The following PTPRG variants were observed in gnomAD, a reference collection of about 807,000 sequenced individuals.
The protein encoded by PTPRG is receptor-type tyrosine-protein phosphatase gamma.
A neutral mutation model predicts 165.3 loss-of-function variants in PTPRG; 102 were observed. The observed-to-expected ratio is 0.62, with a 90% CI of 0.53 to 0.73. The LOEUF (loss-of-function observed/expected upper bound fraction) is 0.73, where lower values mean the gene tolerates loss of function less well. PTPRG is among the 30% of genes least tolerant of loss of function. PTPRG has a pLI of 0.00. For synonymous variants in PTPRG, 675 were observed against 669.5 expected (o/e 1.01, Z -0.13); for missense variants, 1,866 against 1,861.4 (o/e 1.00, Z -0.05).
intron 7 of PTPRG, among the ~76,000 whole-genome samples, chr3:62,164,527 C>T (rs1042356114): frequency 7.9e-5 from 12 of 152,272 alleles, no homozygotes; most frequent in African/African-American, 2.6e-4. Context: ...TCCTTTCCCT[C>T]TTTTGTATGA....
chr3:61,571,509 G>T (rs1700055133), intron 1 of PTPRG, among the ~76,000 whole-genome samples: 1 of 152,162 alleles, frequency 6.6e-6, no homozygotes, highest in Non-Finnish European at 1.5e-5. Flanking sequence ...AATTAAATAA[G>T]TAAGTAATGC....
At chr3:62,032,329 T>G (rs1699795556) in intron 4 of PTPRG, among the ~76,000 whole-genome samples, 1 of 152,198 alleles carries the variant, frequency 6.6e-6, no homozygotes, top group South Asian at 2.1e-4. Flanking sequence ...AGAAAGCTCT[T>G]TAGTGACCTT....
intron 4 of PTPRG, among the ~76,000 whole-genome samples, chr3:62,068,609 A>G (rs184286727): frequency 6.6e-6 from 1 of 152,260 alleles, no homozygotes; most frequent in African/African-American, 2.4e-5. Flanking sequence ...CTGAGTAGCT[A>G]GAACTACTGG....
intron 1 of PTPRG, among the ~76,000 whole-genome samples, chr3:61,649,192 A>C (rs1179294423): frequency 1.2e-5 from 1 of 83,268 alleles, no homozygotes; most frequent in Admixed American, 1.6e-4. Flanking sequence ...TCCTTTTTCT[A>C]TTTTCTTTTA....
chr3:61,754,403 C>G (rs1467150998), intron 2 of PTPRG, among the ~76,000 whole-genome samples: 2 of 152,214 alleles, frequency 1.3e-5, no homozygotes, highest in African/African-American at 2.4e-5. Flanking sequence ...CCTCACTACA[C>G]TGTTCATATA....
chr3:61,867,025 T>G (rs1351117565), intron 2 of PTPRG, among the ~76,000 whole-genome samples: 3 of 152,162 alleles, frequency 2.0e-5, no homozygotes, highest in Non-Finnish European at 4.4e-5. Flanking sequence ...GGGTAGAACA[T>G]CATCCTTCCA....
chr3:62,024,387 A>G (rs1462908525), intron 4 of PTPRG, among the ~76,000 whole-genome samples: 4 of 133,782 alleles, frequency 3.0e-5, no homozygotes, highest in Non-Finnish European at 6.6e-5. Context: ...AAAGGTCACT[A>G]TTTTGTGAGA....
At chr3:61,733,021 C>A (rs1376352994) in intron 1 of PTPRG, among the ~76,000 whole-genome samples, 1 of 152,028 alleles carries the variant, frequency 6.6e-6, no homozygotes, top group Non-Finnish European at 1.5e-5. Context: ...TTTTTAGTGC[C>A]ACTAGAGGGT....
chr3:61,746,477 ACCCAGGCTGGCAGAG>A (rs1277030969), intron 1 of PTPRG, among the ~76,000 whole-genome samples: 4 of 151,698 alleles, frequency 2.6e-5, no homozygotes, highest in Admixed American at 6.6e-5. Flanking sequence ...TCGCCTTGTT[ACCCAGGCTGGCAGAG>A]TTTAAATTTT....
chr3:61,576,573 G>A (rs917107950), intron 1 of PTPRG, among the ~76,000 whole-genome samples: 1 of 152,184 alleles, frequency 6.6e-6, no homozygotes, highest in African/African-American at 2.4e-5. Flanking sequence ...AAGCCTGAAC[G>A]AGGTCTTAGA....
intron 2 of PTPRG, among the ~76,000 whole-genome samples, chr3:61,866,214 C>T (rs1213494751): frequency 6.6e-6 from 1 of 152,200 alleles, no homozygotes; most frequent in African/African-American, 2.4e-5. Context: ...ACTACTTGCA[C>T]AGGTATAATT....
At chr3:61,640,710 G>A (rs887025181) in intron 1 of PTPRG, among the ~76,000 whole-genome samples, 3 of 152,182 alleles carry the variant, frequency 2.0e-5, no homozygotes, top group East Asian at 3.9e-4. Context: ...TTAAAGAAAC[G>A]AAGTCTAACA....
intron 1 of PTPRG, among the ~76,000 whole-genome samples, chr3:61,569,499 T>C (rs71296731): frequency 0.011 from 1,628 of 152,286 alleles, 5 homozygotes; most frequent in Non-Finnish European, 0.015. Context: ...TTTATTTTTA[T>C]AGAGACCGGG....
At chr3:61,960,137 C>T (rs1005642376) in intron 2 of PTPRG, among the ~76,000 whole-genome samples, 1 of 152,060 alleles carries the variant, frequency 6.6e-6, no homozygotes, top group Non-Finnish European at 1.5e-5. Context: ...GCTGCATTTA[C>T]ACAAGTTTGT....
intron 12 of PTPRG, among the ~76,000 whole-genome samples, chr3:62,216,325 C>T (rs976467731): frequency 4.6e-5 from 7 of 151,804 alleles, no homozygotes; most frequent in African/African-American, 7.3e-5. Context: ...TTCTGTGGTT[C>T]GGGATGAATA....
Position 61,592,396 on chromosome 3 carries a change from A to G in PTPRG, c.85+30024A>G, listed in dbSNP as rs557825467. ...GAAACTGCTGTGTAAGTCAATCAGC[A>G]TGAATACAATGTTGGATGAGCCCAA... On this transcript the variant is annotated intron_variant, in intron 1 of 29. Coordinates refer to ENST00000474889, the MANE Select transcript of PTPRG (RefSeq NM_002841.4). 3.3e-3 allele frequency among the ~76,000 whole-genome samples: 505 copies of G among 152,282 alleles called. 4 individuals carry two copies. Among genetic ancestry groups the G allele is most frequent in the African/African-American group, 0.011 (477 of 41,558 alleles).
intron 12 of PTPRG, among the ~76,000 whole-genome samples, chr3:62,208,074 G>A (rs1227614379): frequency 6.6e-6 from 1 of 152,048 alleles, no homozygotes; most frequent in East Asian, 1.9e-4. Context: ...CCCATCCCTG[G>A]GCCAGGTAGG....
intron 2 of PTPRG, among the ~76,000 whole-genome samples, chr3:61,842,680 G>A (rs1476568302): frequency 9.2e-6 from 1 of 109,002 alleles, no homozygotes; most frequent in Admixed American, 9.4e-5. Flanking sequence ...CAATGTATGT[G>A]TGGCAAAAAA....
At chr3:61,965,882 C>G (rs1034107635) in intron 2 of PTPRG, among the ~76,000 whole-genome samples, 2 of 152,222 alleles carry the variant, frequency 1.3e-5, no homozygotes, top group African/African-American at 4.8e-5. Flanking sequence ...TTCTAGGATT[C>G]ATGGTCTTTA....
Sources: allele counts gnomAD v4.1 joint callset (sites outside exome capture counted in the v4.1 genomes callset), GRCh38; gene constraint gnomAD v4.1.1; transcripts MANE v1.5; gene names NCBI Gene and HGNC (gene_info 2026-07-23, HGNC 2026-07-21).